Variants in PCDH7 observed in about 807,000 individuals in gnomAD.
The protein encoded by PCDH7 is protocadherin-7.
In PCDH7, 17 loss-of-function variants were observed where a neutral mutation model predicts 58.9. The observed-to-expected ratio is 0.29, with a 90% CI of 0.20 to 0.43. The LOEUF (loss-of-function observed/expected upper bound fraction) is 0.43, where lower values mean the gene tolerates loss of function less well. Among genes scored for constraint, PCDH7 ranks in the 20% least tolerant of loss-of-function variants. PCDH7 has a pLI of 1.00. For synonymous variants in PCDH7, 664 were observed against 616.4 expected (o/e 1.08, Z -1.14); for missense variants, 1,274 against 1,441.0 (o/e 0.88, Z 1.88).
rs562382419 is a variant in PCDH7, at chr4:31,134,731, A to G, written c.*8-7742A>G. ...ATGTTCTGCCTGGCTCACTCATATG[A>G]CTGCATTCACCTGGAGAACTGACTA... is the stretch of plus-strand genomic sequence containing the variant. On this transcript the variant is annotated intron_variant, in intron 3 of 3. Transcript: ENST00000509759. Among the ~76,000 whole-genome samples, 4 of 152,240 alleles carry G rather than the reference A, an allele frequency of 2.6e-5. No homozygotes were observed. The East Asian group carries it at 7.7e-4, about 29-fold the overall frequency.
At chr4:30,912,538 C>T (rs1741921078) in intron 1 of PCDH7, among the ~76,000 whole-genome samples, 1 of 152,126 alleles carries the variant, frequency 6.6e-6, no homozygotes, top group Non-Finnish European at 1.5e-5. Context: ...TCAGCCCATT[C>T]AGAAATAATT....
At chr4:30,873,134 C>A (rs930975485) in intron 1 of PCDH7, among the ~76,000 whole-genome samples, 1 of 152,034 alleles carries the variant, frequency 6.6e-6, no homozygotes, top group Admixed American at 6.6e-5. Context: ...AGAACAGTTT[C>A]TCTTTTATTA....
chr4:30,801,834 C>T (rs971611447), intron 1 of PCDH7, among the ~76,000 whole-genome samples: 4 of 152,104 alleles, frequency 2.6e-5, no homozygotes, highest in Non-Finnish European at 4.4e-5. Context: ...AACACTACTG[C>T]TGGAATGACT....
chr4:30,751,364 A>C (rs916474008), intron 1 of PCDH7, among the ~76,000 whole-genome samples: 1 of 152,204 alleles, frequency 6.6e-6, no homozygotes, highest in Admixed American at 6.5e-5. Context: ...TTGCTAGGCT[A>C]TTTTGATTGG....
intron 1 of PCDH7, among the ~76,000 whole-genome samples, chr4:30,750,986 G>C (rs984964401): frequency 6.7e-6 from 1 of 149,946 alleles, no homozygotes; most frequent in African/African-American, 2.4e-5. Flanking sequence ...GGAAAAAAAC[G>C]CAAGACTAAA....
At chr4:30,965,421 A>G (rs1748911020) in intron 3 of PCDH7, among the ~76,000 whole-genome samples, 2 of 152,044 alleles carry the variant, frequency 1.3e-5, no homozygotes, top group African/African-American at 4.8e-5. Flanking sequence ...CCAGCCTTTT[A>G]TAAAGTACAA....
At chr4:30,983,389 A>G (rs542564608) in intron 3 of PCDH7, among the ~76,000 whole-genome samples, 1 of 152,346 alleles carries the variant, frequency 6.6e-6, no homozygotes, top group South Asian at 2.1e-4. Flanking sequence ...ATCAGTCTCT[A>G]AAAACTTGAG....
chr4:31,040,198 A>G (rs1755741574), intron 3 of PCDH7, among the ~76,000 whole-genome samples: 1 of 152,212 alleles, frequency 6.6e-6, no homozygotes, highest in South Asian at 2.1e-4. Context: ...TCCAATCAGG[A>G]TATAGAATAT....
At chr4:30,996,092 A>G (rs1009483180) in intron 3 of PCDH7, among the ~76,000 whole-genome samples, 28 of 152,132 alleles carry the variant, frequency 1.8e-4, no homozygotes, top group African/African-American at 6.8e-4. Context: ...ATAAAAATCC[A>G]TGTGTCTTCT....
chr4:31,082,351 T>C (rs986348658), intron 3 of PCDH7, among the ~76,000 whole-genome samples: 1 of 152,132 alleles, frequency 6.6e-6, no homozygotes, highest in African/African-American at 2.4e-5. Flanking sequence ...ATATAAAAGG[T>C]CTGTAGATTA....
At chr4:31,035,190 G>A (rs556525521) in intron 3 of PCDH7, among the ~76,000 whole-genome samples, 86 of 151,798 alleles carry the variant, frequency 5.7e-4, no homozygotes, top group African/African-American at 1.7e-3. Context: ...TAGCTTATGC[G>A]GTAGCATCAA....
At chr4:30,786,672 C>A (rs1407791837) in intron 1 of PCDH7, 2 of 696,582 alleles carry the variant, frequency 2.9e-6, no homozygotes, top group Non-Finnish European at 3.5e-6. Context: ...ACTAGGCTGG[C>A]AAAACCCTAC....
At chr4:31,068,259 C>T (rs1758250325) in intron 3 of PCDH7, among the ~76,000 whole-genome samples, 1 of 150,992 alleles carries the variant, frequency 6.6e-6, no homozygotes, top group South Asian at 2.1e-4. Context: ...GATGGGAAAT[C>T]TCTGTATCTT....
chr4:30,980,427 A>G (rs1578478540), intron 3 of PCDH7, among the ~76,000 whole-genome samples: 1 of 152,078 alleles, frequency 6.6e-6, no homozygotes, highest in Non-Finnish European at 1.5e-5. Context: ...ATATTTAGCT[A>G]TTGGGGAAAA....
At chr4:31,070,249 C>T (rs1758437943) in intron 3 of PCDH7, among the ~76,000 whole-genome samples, 1 of 151,906 alleles carries the variant, frequency 6.6e-6, no homozygotes, top group South Asian at 2.1e-4. Context: ...TAGGATTTAT[C>T]GATTGACAAA....
At chr4:31,021,582 G>A (rs752822194) in intron 3 of PCDH7, among the ~76,000 whole-genome samples, 24 of 152,144 alleles carry the variant, frequency 1.6e-4, no homozygotes, top group Non-Finnish European at 1.5e-4. Context: ...GGCTTTCTGC[G>A]GGACTCAAAG....
intron 1 of PCDH7, among the ~76,000 whole-genome samples, chr4:30,772,340 T>C (rs527316564): frequency 6.6e-6 from 1 of 152,384 alleles, no homozygotes; most frequent in East Asian, 1.9e-4. Flanking sequence ...ACATGGGACC[T>C]AATCTTCAGA....
intron 1 of PCDH7, among the ~76,000 whole-genome samples, chr4:30,757,636 C>T (rs1719481804): frequency 6.6e-6 from 1 of 152,184 alleles, no homozygotes; most frequent in African/African-American, 2.4e-5. Flanking sequence ...AATGTCACTT[C>T]CTATGCAATG....
intron 1 of PCDH7, among the ~76,000 whole-genome samples, chr4:30,868,623 GA>G (rs145428674): frequency 3.3e-5 from 5 of 150,918 alleles, no homozygotes; most frequent in Admixed American, 6.6e-5. Context: ...CTCTCTGATG[GA>G]AAAAAAAATC....
Sources: gnomAD v4.1 joint callset for allele counts (sites outside exome capture counted in the v4.1 genomes callset) on GRCh38, gnomAD v4.1.1 for gene constraint, MANE v1.5 for transcripts, NCBI Gene and HGNC (gene_info 2026-07-23, HGNC 2026-07-21) for gene names.